The following CEP112 variants were observed in gnomAD, a reference collection of about 807,000 sequenced individuals.
The protein encoded by CEP112 is centrosomal protein 112.
CEP112 carries 127 observed loss-of-function variants against 153.0 expected under a neutral mutation model. That is an observed-to-expected ratio of 0.83 (90% CI 0.72 to 0.96). The LOEUF is 0.96. Among genes scored for constraint, CEP112 ranks in the 40% least tolerant of loss-of-function variants. CEP112 has a pLI of 0.00. For missense variants in CEP112, 1,089 were observed against 1,101.2 expected, an observed-to-expected ratio of 0.99 and a Z score of 0.16; for synonymous variants, 358 against 374.4, an observed-to-expected ratio of 0.96 and a Z score of 0.51.
At chr17:66,181,647 G>A (rs1170509482) in intron 2 of CEP112, among the ~76,000 whole-genome samples, 15 of 152,102 alleles carry the variant, frequency 9.9e-5, no homozygotes, top group East Asian at 7.7e-4. Context: ...GAGCCACCGC[G>A]CTTGGCCCCT....
intron 11 of CEP112, among the ~76,000 whole-genome samples, chr17:66,060,578 T>C (rs2066884123): frequency 6.6e-6 from 1 of 152,042 alleles, no homozygotes; most frequent in African/African-American, 2.4e-5. Context: ...TAAAACAGCA[T>C]GAAGCACCCA....
chr17:65,815,653 T>C (rs2056224295), intron 21 of CEP112, among the ~76,000 whole-genome samples: 1 of 152,060 alleles, frequency 6.6e-6, no homozygotes, highest in Admixed American at 6.6e-5. Flanking sequence ...TTCCTTCCAT[T>C]TAATTACATC....
intron 23 of CEP112, among the ~76,000 whole-genome samples, chr17:65,698,499 C>A (rs929224169): frequency 1.3e-5 from 2 of 152,050 alleles, no homozygotes; most frequent in African/African-American, 4.8e-5. Flanking sequence ...ACAGAGGTTC[C>A]AGGAAAAGAA....
intron 24 of CEP112, among the ~76,000 whole-genome samples, chr17:65,687,575 A>G (rs534546925): frequency 6.6e-6 from 1 of 152,344 alleles, no homozygotes; most frequent in South Asian, 2.1e-4. Context: ...ATATTTATGC[A>G]TCTCATATAC....
chr17:65,962,273 GT>G (rs137988958), intron 17 of CEP112, among the ~76,000 whole-genome samples: 10,074 of 149,772 alleles, frequency 0.067, 482 homozygotes, highest in African/African-American at 0.13. Flanking sequence ...TATATCTCAT[GT>G]TTTTTTTTTA....
At chr17:65,890,656 T>C (rs1383219195) in intron 20 of CEP112, among the ~76,000 whole-genome samples, 3 of 152,196 alleles carry the variant, frequency 2.0e-5, no homozygotes, top group African/African-American at 7.2e-5. Context: ...GCTGGCATTG[T>C]CACCAGTTAC....
intron 6 of CEP112, among the ~76,000 whole-genome samples, chr17:66,102,649 T>G (rs1425115010): frequency 6.6e-6 from 1 of 150,534 alleles, no homozygotes; most frequent in Non-Finnish European, 1.5e-5. Context: ...TACAAAAAAA[T>G]TAGTCGGGTG....
chr17:66,053,521 T>TA (rs1167439887), intron 12 of CEP112, among the ~76,000 whole-genome samples: 1 of 142,726 alleles, frequency 7.0e-6, no homozygotes, highest in Non-Finnish European at 1.6e-5. Context: ...TAATAATAAA[T>TA]AAAAAGCAGC....
chr17:66,116,240 A>G (rs2069285956), intron 6 of CEP112, among the ~76,000 whole-genome samples: 1 of 152,168 alleles, frequency 6.6e-6, no homozygotes, highest in Admixed American at 6.5e-5. Context: ...TGTATCTACC[A>G]TTATGATCTC....
intron 23 of CEP112, among the ~76,000 whole-genome samples, chr17:65,707,616 T>G (rs2048981762): frequency 6.6e-6 from 1 of 152,210 alleles, no homozygotes; most frequent in Non-Finnish European, 1.5e-5. Context: ...CTTCCTACTA[T>G]TCTCTGAACC....
At chr17:65,768,252 G>T (rs1443861727) in intron 21 of CEP112, among the ~76,000 whole-genome samples, 1 of 152,008 alleles carries the variant, frequency 6.6e-6, no homozygotes, top group East Asian at 1.9e-4. Flanking sequence ...ATAAAGAAGA[G>T]AAAATATATT....
intron 17 of CEP112, among the ~76,000 whole-genome samples, chr17:66,004,593 C>T (rs941304253): frequency 3.9e-5 from 6 of 152,246 alleles, no homozygotes; most frequent in Admixed American, 3.3e-4. Context: ...TTCATATTGA[C>T]AAGGTAAACA....
intron 4 of CEP112, among the ~76,000 whole-genome samples, chr17:66,158,650 C>T (rs1354008826): frequency 6.6e-6 from 1 of 152,070 alleles, no homozygotes; most frequent in African/African-American, 2.4e-5. Context: ...TCTTTGAAAC[C>T]AATGAGAACA....
chr17:65,997,195 A>G (rs1042522352), intron 17 of CEP112, among the ~76,000 whole-genome samples: 1 of 152,156 alleles, frequency 6.6e-6, no homozygotes, highest in East Asian at 1.9e-4. Flanking sequence ...TGGGCAACAG[A>G]GTGAGACTCC....
chr17:65,905,283 G>A (rs2060026258), intron 19 of CEP112, among the ~76,000 whole-genome samples: 1 of 152,114 alleles, frequency 6.6e-6, no homozygotes, highest in Non-Finnish European at 1.5e-5. Context: ...ATCAAATAGT[G>A]GATGAAGGAT....
chr17:66,093,570 C>A (rs1333117880), intron 8 of CEP112, among the ~76,000 whole-genome samples: 1 of 151,020 alleles, frequency 6.6e-6, no homozygotes, highest in African/African-American at 2.4e-5. Context: ...AACAATCCCT[C>A]TCTTACTAGG....
At chr17:65,967,060 C>T (rs55881316) in intron 17 of CEP112, among the ~76,000 whole-genome samples, 72,688 of 151,552 alleles carry the variant, frequency 0.48, 18,371 homozygotes, top group East Asian at 0.89. Context: ...ATTATTCTCT[C>T]GCTACTAAGG....
Position 66,016,189 on chromosome 17 carries a change from A to C in CEP112, c.1657-10420T>G, listed in dbSNP as rs1244102730. Among the ~76,000 whole-genome samples the C allele has an allele frequency of 3.3e-5, 5 of 152,130 alleles. No homozygotes were observed. The South Asian group carries it at 1.0e-3, about 32-fold the overall frequency. ...ATTTTTAAACATTTTCTTCCGGAGT[A>C]ACACATTTTCAGGAGAAACTCCTTC... On this transcript the variant is annotated intron_variant, in intron 16 of 26. Transcript: ENST00000535342.
intron 21 of CEP112, among the ~76,000 whole-genome samples, chr17:65,840,853 C>T (rs2057489215): frequency 1.3e-5 from 2 of 151,994 alleles, no homozygotes. Flanking sequence ...TCTGAACAGA[C>T]ATTTTTCCAA....
Sources: gnomAD v4.1 joint callset for allele counts (sites outside exome capture counted in the v4.1 genomes callset) on GRCh38, gnomAD v4.1.1 for gene constraint, MANE v1.5 for transcripts, NCBI Gene and HGNC (gene_info 2026-07-23, HGNC 2026-07-21) for gene names.